Variants in CAST observed in about 807,000 individuals in gnomAD.
CAST encodes the protein MIR583 host.
CAST carries 76 observed loss-of-function variants against 119.6 expected under a neutral mutation model. The ratio of observed to expected loss-of-function variants is 0.64; its 90% CI spans 0.53 to 0.77. The LOEUF (loss-of-function observed/expected upper bound fraction) is 0.77. CAST is among the 30% of genes least tolerant of loss of function. CAST has a pLI of 0.00. For synonymous variants in CAST, 319 were observed against 331.6 expected, an observed-to-expected ratio of 0.96 and a Z score of 0.41; for missense variants, 953 against 946.5, an observed-to-expected ratio of 1.01 and a Z score of -0.09.
chr5:96,013,188 G>T, the CAST span, among the ~76,000 whole-genome samples: 1 of 151,242 alleles, frequency 6.6e-6, no homozygotes, highest in Non-Finnish European at 1.5e-5. Flanking sequence ...AATATAAAAA[G>T]GTATGCTTTT....
At chr5:96,160,390 A>G in the CAST span, among the ~76,000 whole-genome samples, 25 of 152,184 alleles carry the variant, frequency 1.6e-4, no homozygotes, top group South Asian at 3.9e-3. Flanking sequence ...GACTTCATTC[A>G]CTTAGCATAA....
At chr5:96,762,527 G>A (rs955755371) in intron 25 of CAST, 155 bp downstream of exon 25, 6 of 520,988 alleles carry the variant, frequency 1.2e-5, no homozygotes, top group South Asian at 3.6e-5. Flanking sequence ...ATGATTTAGC[G>A]AGATGGCAGA....
chr5:96,603,536 G>T (rs986140705), intron 1 of CAST, among the ~76,000 whole-genome samples: 1 of 152,084 alleles, frequency 6.6e-6, no homozygotes, highest in South Asian at 2.1e-4. Flanking sequence ...CTCTTCAGGG[G>T]CAATAACACC....
At chr5:96,421,927 A>T in the CAST span, 2 of 1,573,370 alleles carry the variant, frequency 1.3e-6, no homozygotes, top group Admixed American at 3.4e-5. Flanking sequence ...CATGGTCATT[A>T]TCATTAAAAT....
the CAST span, among the ~76,000 whole-genome samples, chr5:96,131,950 A>G: frequency 3.3e-5 from 5 of 152,162 alleles, no homozygotes; most frequent in African/African-American, 1.2e-4. Flanking sequence ...TTGAAAAGAC[A>G]CAAACCCAAC....
the CAST span, among the ~76,000 whole-genome samples, chr5:96,142,179 G>A: frequency 1.3e-5 from 2 of 152,160 alleles, no homozygotes; most frequent in East Asian, 3.9e-4. Flanking sequence ...CTGGGAGGTC[G>A]AGGCAGGCAG....
intron 1 of CAST, among the ~76,000 whole-genome samples, chr5:96,541,014 A>G (rs2150179799): frequency 6.6e-6 from 1 of 152,162 alleles, no homozygotes; most frequent in Middle Eastern, 3.4e-3. Flanking sequence ...CCCCTTTCCC[A>G]TGTGCTCTTT....
At chr5:96,423,506 G>A in the CAST span, 7,375 of 1,582,442 alleles carry the variant, frequency 4.7e-3, 302 homozygotes, top group African/African-American at 0.088. Flanking sequence ...TCATTTGCTT[G>A]CTACAAAATG....
At chr5:96,196,047 T>C in the CAST span, among the ~76,000 whole-genome samples, 1 of 152,220 alleles carries the variant, frequency 6.6e-6, no homozygotes, top group African/African-American at 2.4e-5. Context: ...AGACTGGTTT[T>C]CAGAGTCTGC....
At chr5:96,465,020 T>C in the CAST span, among the ~76,000 whole-genome samples, 3 of 152,106 alleles carry the variant, frequency 2.0e-5, no homozygotes, top group Non-Finnish European at 2.9e-5. Context: ...TTCTTTATAG[T>C]ATTGAGTCTT....
the CAST span, among the ~76,000 whole-genome samples, chr5:96,054,501 TG>T: frequency 3.3e-5 from 5 of 152,150 alleles, no homozygotes; most frequent in African/African-American, 4.8e-5. Context: ...AGATCAGCTT[TG>T]CAAAAACCAC....
chr5:96,420,496 C>G, the CAST span, among the ~76,000 whole-genome samples: 11 of 152,156 alleles, frequency 7.2e-5, no homozygotes, highest in African/African-American at 2.4e-4. Flanking sequence ...CGGTTAACCC[C>G]TTTAGTCACC....
chr5:96,384,380 C>G, the CAST span, among the ~76,000 whole-genome samples: 1 of 152,112 alleles, frequency 6.6e-6, no homozygotes, highest in Non-Finnish European at 1.5e-5. Flanking sequence ...TATAATTATG[C>G]TGGGACAACA....
At chr5:96,630,963 A>G (rs1747810455) in intron 1 of CAST, 1 of 140,652 alleles carries the variant, frequency 7.1e-6, no homozygotes, top group African/African-American at 2.5e-5. Context: ...ATAATCTCTT[A>G]CAGAGTCTCC....
chr5:96,126,596 A>G, the CAST span, among the ~76,000 whole-genome samples: 1 of 151,950 alleles, frequency 6.6e-6, no homozygotes, highest in African/African-American at 2.4e-5. Flanking sequence ...TTTGTAAGCT[A>G]TCTTAAATAG....
At chr5:96,677,874 T>C (rs1416658020) in intron 2 of CAST, among the ~76,000 whole-genome samples, 1 of 152,232 alleles carries the variant, frequency 6.6e-6, no homozygotes, top group Non-Finnish European at 1.5e-5. Context: ...AAATTCTGCC[T>C]GTATGTATTT....
At chr5:96,657,972 C>T (rs1748186760), upstream of CAST, among the ~76,000 whole-genome samples, 1 of 152,124 alleles carries the variant, frequency 6.6e-6, no homozygotes, top group Non-Finnish European at 1.5e-5. Context: ...TGGTGGGCAC[C>T]TGTAATCCCA....
chr5:96,575,190 T>C (rs1746647452), intron 1 of CAST, among the ~76,000 whole-genome samples: 1 of 152,164 alleles, frequency 6.6e-6, no homozygotes, highest in African/African-American at 2.4e-5. Flanking sequence ...TATTGTATTT[T>C]TTCATTTCAG....
At chr5:96,120,486 C>CT in the CAST span, among the ~76,000 whole-genome samples, 1 of 151,336 alleles carries the variant, frequency 6.6e-6, no homozygotes, top group Non-Finnish European at 1.5e-5. Flanking sequence ...ATTCTGTGAG[C>CT]TTTTTTTTCT....
Sources: gnomAD v4.1 joint callset for allele counts (sites outside exome capture counted in the v4.1 genomes callset) on GRCh38, gnomAD v4.1.1 for gene constraint, MANE v1.5 for transcripts, NCBI Gene and HGNC (gene_info 2026-07-23, HGNC 2026-07-21) for gene names.